Variants in TSC22D1 observed in about 807,000 individuals in gnomAD.
The protein encoded by TSC22D1 is TSC22 domain family member 1.
TSC22D1 carries 9 observed loss-of-function variants against 74.2 expected under a neutral mutation model. The ratio of observed to expected loss-of-function variants is 0.12; its 90% CI spans 0.07 to 0.21. The LOEUF is 0.21. Ranked by LOEUF, TSC22D1 falls within the 10% of genes least tolerant of loss-of-function variation. The pLI is 1.00. For missense variants in TSC22D1, 1,427 were observed against 1,304.7 expected, an observed-to-expected ratio of 1.09 and a Z score of -1.44; for synonymous variants, 586 against 492.5, an observed-to-expected ratio of 1.19 and a Z score of -2.51.
chr13:44,573,498 T>C lies in TSC22D1; in HGVS notation c.2577A>G (p.Gln859=), dbSNP rs1157408633. ...AATTACCATTTTGGGTAGCAGGGGT[T>C]TGTGCTATATTTTGTGGTGGAACCA... ...TNLVPPQNIA[Q]TPATQNGNLV... is the part of the protein sequence containing the mutation. Residue 859 remains glutamine, a synonymous_variant, in exon 1 of 3, where the codon CAA becomes CAG. Transcript: ENST00000458659. 1 of 1,614,198 alleles carries C rather than the reference T, an allele frequency of 6.2e-7. No homozygotes were observed. The highest frequency in any genetic ancestry group is 1.1e-5 in the South Asian group (1 of 91,086).
chr13:44,573,042 C>T, intron 1 of TSC22D1, 121 bp downstream of exon 1: 1 of 1,398,448 alleles, frequency 7.2e-7, no homozygotes, highest in Non-Finnish European at 9.4e-7. Flanking sequence ...CATAAAAATG[C>T]ATTTTTCACA....
At position 44,552,352 on chromosome 13, in the gene TSC22D1, G is replaced by A. The variant is rs908947420; in HGVS notation, c.2912+20811C>T. Among the ~76,000 whole-genome samples, 4 of 152,160 alleles carry A rather than the reference G, an allele frequency of 2.6e-5. No homozygotes were observed. In the East Asian group the frequency reaches 7.7e-4, roughly 29 times the overall value. On this transcript the variant is annotated intron_variant, in intron 1 of 2. Coordinates refer to ENST00000458659, the MANE Select transcript of TSC22D1 (RefSeq NM_183422.4). ...CCATCAAGGGTTAACTCTCCAACAT[G>A]AGGAACAGAGAACATAAAGCTAGTA...
chr13:44,463,525 T>C (rs1348294175), intron 1 of TSC22D1, among the ~76,000 whole-genome samples: 1 of 152,182 alleles, frequency 6.6e-6, no homozygotes, highest in Non-Finnish European at 1.5e-5. Flanking sequence ...TCAATGCAAA[T>C]AAAATCAGAT....
chr13:44,492,901 C>T (rs1878792743), intron 1 of TSC22D1, among the ~76,000 whole-genome samples: 1 of 152,072 alleles, frequency 6.6e-6, no homozygotes, highest in African/African-American at 2.4e-5. Context: ...TTGAAAACTG[C>T]TCAAGAGATA....
Position 44,436,991 on chromosome 13 carries a change from A to C in TSC22D1, c.2913-896T>G, listed in dbSNP as rs865959840. 742 of 897,482 alleles carry C rather than the reference A, an allele frequency of 8.3e-4. 2 individuals are homozygous for C. The highest frequency in any genetic ancestry group is 3.3e-3 in the Middle Eastern group (6 of 1,842). The allele number at this position is 897,482 out of a possible 1,614,324, so 55.6% of individuals were successfully genotyped here. ...TGCTTCCCCGCCTCCCCCCACCCCC[A>C]CCTCCGCCCCCATTCTCCAGATCCC... On this transcript the variant is annotated intron_variant, in intron 1 of 2. Transcript: ENST00000458659.
intron 1 of TSC22D1, among the ~76,000 whole-genome samples, chr13:44,456,051 A>G (rs1480044474): frequency 2.6e-5 from 4 of 152,310 alleles, no homozygotes; most frequent in South Asian, 4.2e-4. Flanking sequence ...ACTCAACTGA[A>G]TAACTGAGCA....
At chr13:44,551,310 G>GGGGTGTGTGTGTGTGTGTGTGT (rs1555272439) in intron 1 of TSC22D1, among the ~76,000 whole-genome samples, 1 of 132,776 alleles carries the variant, frequency 7.5e-6, no homozygotes, top group Admixed American at 7.6e-5. Flanking sequence ...ATCAGCTGGG[G>GGGGTGTGTGTGTGTGTGTGTGT]GTGTGTGTGT....
intron 1 of TSC22D1, among the ~76,000 whole-genome samples, chr13:44,451,160 A>G (rs1876098048): frequency 1.3e-5 from 2 of 152,246 alleles, no homozygotes; most frequent in African/African-American, 2.4e-5. Flanking sequence ...GTCCTTTGAG[A>G]AAGCTCATGT....
chr13:44,530,160 T>A (rs1880753497), intron 1 of TSC22D1, among the ~76,000 whole-genome samples: 1 of 152,044 alleles, frequency 6.6e-6, no homozygotes, highest in Admixed American at 6.6e-5. Context: ...ACTTCAAGAC[T>A]TAGTAAAAAG....
chr13:44,562,620 T>C (rs780560408), intron 1 of TSC22D1, among the ~76,000 whole-genome samples: 2 of 152,148 alleles, frequency 1.3e-5, no homozygotes, highest in South Asian at 2.1e-4. Context: ...TCCTCTCTAC[T>C]GCCTGGAAGA....
Position 44,486,755 on chromosome 13 carries a change from T to C in TSC22D1, c.2913-50660A>G, listed in dbSNP as rs1317774300. ...TCATACAACCACGTTTGCTGAACAC[T>C]ATGCAATTAATTAATGTGTAATTCA... On this transcript the variant is annotated intron_variant, in intron 1 of 2. Transcript: ENST00000458659. 3.3e-5 allele frequency among the ~76,000 whole-genome samples: 5 copies of C among 152,198 alleles called. No individual in the cohort carries two copies. In the South Asian group the frequency reaches 1.0e-3, roughly 31 times the overall value.
In TSC22D1 at chr13:44,575,957, C is replaced by T. The variant is rs1884205048; in HGVS notation, c.118G>A (p.Ala40Thr). 6.2e-6 allele frequency: 10 copies of T among 1,608,064 alleles called. No individual in the cohort carries two copies. Among genetic ancestry groups the T allele is most frequent in the Non-Finnish European group, 8.5e-6 (10 of 1,177,590 alleles). ...RRGSGSGSAS[A>T]LNAAGTGVGS... ...ACGCCGGTACCTGCTGCATTGAGAG[C>T]AGAGGCGCTGCCACTACCGCTGCCC... The change falls in exon 1 of 3, where the codon GCT becomes ACT. Residue 40 changes from alanine (A) to threonine (T), a missense_variant. Ala to Thr is a moderately conservative substitution (Grantham distance 58). Transcript: ENST00000458659.
At chr13:44,480,447 T>C (rs952359436) in intron 1 of TSC22D1, among the ~76,000 whole-genome samples, 6 of 151,368 alleles carry the variant, frequency 4.0e-5, no homozygotes, top group Admixed American at 1.3e-4. Flanking sequence ...ATGAAAGAAA[T>C]AGACATGAAT....
Position 44,574,113 on chromosome 13 carries a change from T to G in TSC22D1, c.1962A>C (p.Ser654=). ...HVKSVTQNPA[S]EYVQQQPILQ... is the part of the protein sequence containing the mutation. The stretch of plus-strand genomic sequence containing the variant: ...GAATTGGCTGCTGTTGTACATACTC[T>G]GAAGCAGGATTTTGAGTCACTGATT... Residue 654 remains serine (S), a synonymous_variant, in exon 1 of 3, where the codon TCA becomes TCC. Transcript: ENST00000458659. 4 of 1,614,180 alleles carry G rather than the reference T, an allele frequency of 2.5e-6. No homozygotes were observed. The highest frequency in any genetic ancestry group is 3.4e-6 in the Non-Finnish European group (4 of 1,179,956).
chr13:44,512,943 T>C (rs1479089791), intron 1 of TSC22D1, among the ~76,000 whole-genome samples: 1 of 152,222 alleles, frequency 6.6e-6, no homozygotes, highest in Non-Finnish European at 1.5e-5. Context: ...CCACTGCGCC[T>C]GGCCTCTTCA....
chr13:44,552,006 C>A (rs1882314276), intron 1 of TSC22D1, among the ~76,000 whole-genome samples: 1 of 152,210 alleles, frequency 6.6e-6, no homozygotes, highest in Non-Finnish European at 1.5e-5. Flanking sequence ...AAGAACTTCA[C>A]TAGGTGCATT....
At position 44,531,991 on chromosome 13, in the gene TSC22D1, A is replaced by G. The variant is rs924359972; in HGVS notation, c.2912+41172T>C. 2.6e-5 allele frequency among the ~76,000 whole-genome samples: 4 copies of G among 152,322 alleles called. No individual in the cohort carries two copies. The South Asian group carries it at 8.3e-4, about 32-fold the overall frequency. On this transcript the variant is annotated intron_variant, in intron 1 of 2. Transcript: ENST00000458659. ...GTTTATTTTCTTCTCAATACCAGTC[A>G]CATAACAAGTGTCTCCAACAAGCCT... is the stretch of plus-strand genomic sequence containing the variant.
chr13:44,553,405 A>T (rs1034743322), intron 1 of TSC22D1, among the ~76,000 whole-genome samples: 2 of 151,984 alleles, frequency 1.3e-5, no homozygotes, highest in African/African-American at 4.8e-5. Flanking sequence ...AACTTTATAG[A>T]TTTCAAAATC....
chr13:44,574,104 TACATACTCTGAA>T lies in TSC22D1; in HGVS notation c.1959_1970del (p.Ser654_Val657del), dbSNP rs761142897. 2.1e-5 allele frequency: 34 copies of T among 1,614,130 alleles called. No individual in the cohort carries two copies. The highest frequency in any genetic ancestry group is 2.9e-5 in the Non-Finnish European group (34 of 1,180,040). ...CTGTTTGAAGAATTGGCTGCTGTTG[TACATACTCTGAA>T]GCAGGATTTTGAGTCACTGATTTGA... On this transcript the variant is annotated inframe_deletion, in exon 1 of 3. Coordinates refer to ENST00000458659, the MANE Select transcript of TSC22D1 (RefSeq NM_183422.4).
Sources: gnomAD v4.1 joint callset for allele counts (sites outside exome capture counted in the v4.1 genomes callset) on GRCh38, gnomAD v4.1.1 for gene constraint, MANE v1.5 for transcripts, NCBI Gene and HGNC (gene_info 2026-07-23, HGNC 2026-07-21) for gene names.